Variants in SLC16A7 observed in about 807,000 individuals in gnomAD.
The protein encoded by SLC16A7 is solute carrier family 16 member 7.
A neutral mutation model predicts 34.9 loss-of-function variants in SLC16A7; 33 were observed. That is an observed-to-expected ratio of 0.94 (90% CI 0.72 to 1.26). The LOEUF is 1.26. Among genes scored for constraint, SLC16A7 ranks in the 50% most tolerant of loss-of-function variants. The pLI, the probability that SLC16A7 is intolerant of heterozygous loss-of-function variation, is 0.00. For synonymous variants in SLC16A7, 201 were observed against 206.6 expected, an observed-to-expected ratio of 0.97 and a Z score of 0.23; for missense variants, 573 against 578.1, an observed-to-expected ratio of 0.99 and a Z score of 0.09.
At chr12:59,644,078 A>C (rs537121538) in intron 1 of SLC16A7, among the ~76,000 whole-genome samples, 132 of 152,314 alleles carry the variant, frequency 8.7e-4, no homozygotes, top group African/African-American at 3.0e-3. Flanking sequence ...ATTTGGCTTA[A>C]AATATTGATA....
At chr12:59,768,098 A>C in intron 3 of SLC16A7, 2 of 449,214 alleles carry the variant, frequency 4.5e-6, no homozygotes, top group South Asian at 3.2e-5. Flanking sequence ...ATAATAAAAA[A>C]ATTTAAATAC....
intron 3 of SLC16A7, among the ~76,000 whole-genome samples, chr12:59,756,989 A>G (rs1390393982): frequency 7.0e-6 from 1 of 143,326 alleles, no homozygotes; most frequent in African/African-American, 2.7e-5. Flanking sequence ...CATCATTCTC[A>G]GTAAACTATC....
At chr12:59,723,857 T>G (rs1007195331) in intron 3 of SLC16A7, among the ~76,000 whole-genome samples, 1 of 151,702 alleles carries the variant, frequency 6.6e-6, no homozygotes, top group South Asian at 2.2e-4. Context: ...TTTATATTGC[T>G]TTTTTTGTTT....
intron 3 of SLC16A7, among the ~76,000 whole-genome samples, chr12:59,740,424 A>G (rs1426668814): frequency 2.0e-5 from 3 of 152,170 alleles, no homozygotes; most frequent in African/African-American, 7.2e-5. Flanking sequence ...TGGTACCAGT[A>G]CCATGCTGTT....
intron 3 of SLC16A7, among the ~76,000 whole-genome samples, chr12:59,718,659 T>C (rs944021777): frequency 1.1e-4 from 16 of 152,188 alleles, no homozygotes; most frequent in African/African-American, 3.9e-4. Flanking sequence ...ATGTTTATGT[T>C]AAGGTTATGT....
At chr12:59,741,051 G>T (rs964065454) in intron 3 of SLC16A7, among the ~76,000 whole-genome samples, 3 of 152,108 alleles carry the variant, frequency 2.0e-5, no homozygotes, top group Non-Finnish European at 4.4e-5. Flanking sequence ...ACTGCTCAAT[G>T]AAATAAAAGA....
intron 3 of SLC16A7, among the ~76,000 whole-genome samples, chr12:59,725,360 C>T (rs983623480): frequency 6.6e-6 from 1 of 152,042 alleles, no homozygotes; most frequent in African/African-American, 2.4e-5. Flanking sequence ...TTTCTGAATG[C>T]CATTCAGGGA....
intron 3 of SLC16A7, among the ~76,000 whole-genome samples, chr12:59,761,983 A>T (rs1881062095): frequency 6.6e-6 from 1 of 152,102 alleles, no homozygotes; most frequent in East Asian, 1.9e-4. Context: ...TTTACTCATT[A>T]TGCCAACTGT....
intron 1 of SLC16A7, among the ~76,000 whole-genome samples, chr12:59,645,118 T>A (rs956727706): frequency 1.3e-5 from 2 of 152,112 alleles, no homozygotes; most frequent in African/African-American, 4.8e-5. Context: ...TTAAATTGGG[T>A]CTTGAGGAAT....
rs1237595540 is a variant in SLC16A7, at chr12:59,784,181, C to A, written c.*4502C>A. 2.0e-5 allele frequency: 3 copies of A among 151,790 alleles called. No individual in the cohort carries two copies. Among genetic ancestry groups the A allele is most frequent in the Non-Finnish European group, 2.9e-5 (2 of 67,978 alleles). 9.4% of individuals were successfully genotyped at this position (151,790 alleles called of 1,614,324 possible). A position where few individuals can be genotyped will look rare whatever the true frequency, so the allele number is the denominator to read the frequency against. On this transcript the variant is annotated 3_prime_UTR_variant, in exon 6 of 6. Transcript: ENST00000547379. ...TTATCTTTTATGAATAAATAATTCC[C>A]AGATTGGTTGCTACATATCATGATT...
At chr12:59,700,599 A>G (rs1308203060) in intron 2 of SLC16A7, among the ~76,000 whole-genome samples, 1 of 150,812 alleles carries the variant, frequency 6.6e-6, no homozygotes, top group African/African-American at 2.4e-5. Context: ...TATTTAGTTT[A>G]TGTATTACAT....
intron 2 of SLC16A7, among the ~76,000 whole-genome samples, chr12:59,664,043 G>A (rs1185210309): frequency 3.3e-5 from 5 of 151,978 alleles, no homozygotes; most frequent in Admixed American, 2.0e-4. Context: ...AGAGGAACAT[G>A]AGCCTCGAAT....
intron 1 of SLC16A7, among the ~76,000 whole-genome samples, chr12:59,652,847 G>T (rs1459048526): frequency 6.6e-6 from 1 of 151,724 alleles, no homozygotes; most frequent in Non-Finnish European, 1.5e-5. Context: ...AGTCTTTGTA[G>T]AACTTATCTG....
At chr12:59,623,031 T>C (rs1879763217) in intron 1 of SLC16A7, among the ~76,000 whole-genome samples, 1 of 148,568 alleles carries the variant, frequency 6.7e-6, no homozygotes, top group African/African-American at 2.5e-5. Flanking sequence ...ATAAATAGCA[T>C]TTCCCTACTG....
chr12:59,785,247 T>G lies in SLC16A7; in HGVS notation c.*5568T>G, dbSNP rs185759114. The stretch of plus-strand genomic sequence containing the variant: ...AGTTCTGATTTTCTCTTCTTTCCTA[T>G]CAGTTGTTTGTACACTGGAGATTTT... On this transcript the variant is annotated 3_prime_UTR_variant, in exon 6 of 6. Coordinates refer to ENST00000547379, the MANE Select transcript of SLC16A7 (RefSeq NM_001270623.2). 6.6e-6 allele frequency: 1 copy of G among 152,322 alleles called. No homozygotes were observed. Among genetic ancestry groups the G allele is most frequent in the East Asian group, 1.9e-4 (1 of 5,192 alleles). The allele number at this position is 152,322 out of a possible 1,614,324, so 9.4% of individuals were successfully genotyped here. A position where few individuals can be genotyped will look rare whatever the true frequency, so the allele number is the denominator to read the frequency against.
chr12:59,635,424 A>G (rs1235620634), intron 1 of SLC16A7, among the ~76,000 whole-genome samples: 2 of 152,080 alleles, frequency 1.3e-5, no homozygotes, highest in Non-Finnish European at 2.9e-5. Flanking sequence ...ATGATAGAAC[A>G]CATTACAAAT....
intron 3 of SLC16A7, among the ~76,000 whole-genome samples, chr12:59,757,561 C>A (rs2706295): frequency 0.43 from 65,994 of 151,872 alleles, 16,409 homozygotes; most frequent in African/African-American, 0.69. Flanking sequence ...GAAGATTAGT[C>A]CTCTATAGAA....
chr12:59,633,596 C>G (rs768835675), intron 1 of SLC16A7, among the ~76,000 whole-genome samples: 2 of 151,594 alleles, frequency 1.3e-5, no homozygotes, highest in Non-Finnish European at 2.9e-5. Flanking sequence ...CTGTATTAGT[C>G]CATTTTTACA....
At chr12:59,612,007 C>T (rs886084631) in intron 1 of SLC16A7, among the ~76,000 whole-genome samples, 1 of 152,182 alleles carries the variant, frequency 6.6e-6, no homozygotes, top group Admixed American at 6.5e-5. Context: ...TGCAAGCTGT[C>T]AGTGGATCTA....
Sources: allele counts gnomAD v4.1 joint callset (sites outside exome capture counted in the v4.1 genomes callset), GRCh38; gene constraint gnomAD v4.1.1; transcripts MANE v1.5; gene names NCBI Gene and HGNC (gene_info 2026-07-23, HGNC 2026-07-21).